SCAMP4: variants seen among roughly 807,000 people sequenced by gnomAD.
The protein encoded by SCAMP4 is secretory carrier-associated membrane protein 4.
A neutral mutation model predicts 32.1 loss-of-function variants in SCAMP4; 19 were observed. The ratio of observed to expected loss-of-function variants is 0.59; its 90% confidence interval spans 0.41 to 0.87. SCAMP4 has a LOEUF of 0.87. SCAMP4 is among the 40% of genes least tolerant of loss of function. The pLI is 0.00. For synonymous variants in SCAMP4, 152 were observed against 132.7 expected (o/e 1.15, Z -1.00); for missense variants, 302 against 309.0 (o/e 0.98, Z 0.17).
chr19:1,905,605 C>T (rs2013062334), intron 1 of SCAMP4, 166 bp downstream of exon 1: 2 of 166,182 alleles, frequency 1.2e-5, no homozygotes, highest in Non-Finnish European at 2.9e-5. Flanking sequence ...GGCCGGTGGG[C>T]GACGCGGGGA....
In SCAMP4 at chr19:1,923,206, G is replaced by T. The variant is rs1028940582; in HGVS notation, c.513+19G>T. On this transcript the variant is annotated intron_variant, in intron 6 of 6. Coordinates refer to ENST00000316097, the MANE Select transcript of SCAMP4 (RefSeq NM_079834.4). ...CATGAAGGTGAGTCCTCGGCTTTGT[G>T]ACGTCCAGCCCTTACCCCTTCTCCA... 1 of 1,540,236 alleles carries T rather than the reference G, an allele frequency of 6.5e-7. No homozygotes were observed. Among genetic ancestry groups the T allele is most frequent in the South Asian group, 1.2e-5 (1 of 82,618 alleles).
intron 5 of SCAMP4, chr19:1,922,307 T>G (rs1010806397): frequency 3.6e-5 from 35 of 964,292 alleles, no homozygotes; most frequent in Admixed American, 6.2e-5. Context: ...TCCCCCAGGC[T>G]GGAGAGCAAC....
chr19:1,915,230 C>T (rs971450461), intron 2 of SCAMP4, among the ~76,000 whole-genome samples: 2 of 152,200 alleles, frequency 1.3e-5, no homozygotes, highest in Admixed American at 6.5e-5. Context: ...CCTGTGTATC[C>T]GCTCGGACGC....
At chr19:1,907,879 G>C (rs1174208046) in intron 1 of SCAMP4, 3 of 152,624 alleles carry the variant, frequency 2.0e-5, no homozygotes, top group East Asian at 1.9e-4. Context: ...GGTAGGAGGT[G>C]CTCTGGCAGT....
rs1009173155 is a variant in SCAMP4, at chr19:1,919,100, G to C, written c.395+110G>C. 1.1e-5 allele frequency: 17 copies of C among 1,534,392 alleles called. No individual in the cohort carries two copies. In the South Asian group the frequency reaches 1.8e-4, roughly 16 times the overall value. ...GGAGCGTGCTGGTCCGGGATTGTAC[G>C]CGCTCTCCTAGGGAGGGGTCTGAGC... On this transcript the variant is annotated intron_variant, in intron 5 of 6. Coordinates refer to ENST00000316097, the MANE Select transcript of SCAMP4 (RefSeq NM_079834.4).
chr19:1,918,014 A>T (rs1468675690), intron 3 of SCAMP4, 113 bp from the exon 4 acceptor site: 4 of 1,421,022 alleles, frequency 2.8e-6, no homozygotes, highest in Non-Finnish European at 3.8e-6. Context: ...CATCCTCGAC[A>T]TGGGGTCACT....
chr19:1,912,711 CG>C, intron 1 of SCAMP4: 1 of 1,509,136 alleles, frequency 6.6e-7, no homozygotes, highest in East Asian at 2.7e-5. Flanking sequence ...GGCCTCGGAC[CG>C]CGTGCTGGCC....
chr19:1,921,251 C>T (rs1018915438), intron 5 of SCAMP4: 1 of 985,308 alleles, frequency 1.0e-6, no homozygotes, highest in East Asian at 1.1e-4. Context: ...AGGCGACAGC[C>T]CCGCTCTCCC....
intron 1 of SCAMP4, chr19:1,912,554 C>T (rs1270514475): frequency 1.3e-6 from 2 of 1,500,468 alleles, no homozygotes; most frequent in Admixed American, 2.1e-5. Context: ...TCCACGAGGA[C>T]AAGCAGGTGA....
At chr19:1,920,320 CCCA>C in intron 5 of SCAMP4, 1 of 983,860 alleles carries the variant, frequency 1.0e-6, no homozygotes, top group Non-Finnish European at 1.2e-6. Context: ...GGGTTCCTGC[CCCA>C]CAAGACTGCG....
At chr19:1,906,713 G>A (rs1466522053) in intron 1 of SCAMP4, 1 of 152,062 alleles carries the variant, frequency 6.6e-6, no homozygotes, top group Non-Finnish European at 1.5e-5. Context: ...CAGGCATGGT[G>A]GTGGACGCCT....
At position 1,912,635 on chromosome 19, in the gene SCAMP4, G is replaced by T. The variant is rs949727253; in HGVS notation, c.-41-2344G>T. On this transcript the variant is annotated intron_variant, in intron 1 of 6. Transcript: ENST00000316097. ...CCATGCAGAGCCACATGGAGCGGGC[G>T]GTGTGGGCGGCCCGGCGGGCAGCAG... The T allele has an allele frequency of 5.6e-6, 8 of 1,438,842 alleles. No individual in the cohort carries two copies. The African/African-American group carries it at 1.2e-4, about 22-fold the overall frequency. The allele number at this position is 1,438,842 out of a possible 1,614,324, so 89.1% of individuals were successfully genotyped here.
intron 1 of SCAMP4, among the ~76,000 whole-genome samples, chr19:1,914,092 G>A (rs538562782): frequency 1.5e-3 from 234 of 152,284 alleles, no homozygotes; most frequent in Admixed American, 2.6e-3. Flanking sequence ...GGTGGGAGCC[G>A]CAGAGGCGTG....
chr19:1,905,466 G>A (rs2013050595), intron 1 of SCAMP4, 27 bp downstream of exon 1: 1 of 455,532 alleles, frequency 2.2e-6, no homozygotes, highest in African/African-American at 2.1e-5. Context: ...GAGGTCTCGG[G>A]TTCTCCAGGC....
At chr19:1,920,876 G>C in intron 5 of SCAMP4, 1 of 985,476 alleles carries the variant, frequency 1.0e-6, no homozygotes, top group South Asian at 4.7e-5. Context: ...GTGACCCTCA[G>C]AGACCTCCCT....
chr19:1,906,218 G>A (rs2013104819), intron 1 of SCAMP4: 1 of 152,036 alleles, frequency 6.6e-6, no homozygotes, highest in Non-Finnish European at 1.5e-5. Flanking sequence ...AAATTAGCTG[G>A]GCGTGGTGTC....
Position 1,924,779 on chromosome 19 carries a change from C to A in SCAMP4, c.*495C>A, listed in dbSNP as rs1948103137. The A allele has an allele frequency of 5.2e-6, 1 of 191,066 alleles. No homozygotes were observed. The highest frequency in any genetic ancestry group is 1.1e-5 in the Non-Finnish European group (1 of 89,058). 11.8% of individuals were successfully genotyped at this position (191,066 alleles called of 1,614,324 possible). On this transcript the variant is annotated 3_prime_UTR_variant, in exon 7 of 7. Coordinates refer to ENST00000316097, the MANE Select transcript of SCAMP4 (RefSeq NM_079834.4). ...AGAGGCGTCGGGGCCAGCTTCCGGTCCCCTGCAGTGATAGAGGGCTTGGTG... is the reference window on the plus strand; with the variant it reads ...AGAGGCGTCGGGGCCAGCTTCCGGTACCCTGCAGTGATAGAGGGCTTGGTG...
chr19:1,911,215 AG>A (rs2013427309), intron 1 of SCAMP4, among the ~76,000 whole-genome samples: 1 of 151,180 alleles, frequency 6.6e-6, no homozygotes, highest in Non-Finnish European at 1.5e-5. Context: ...TCTGTCAGCC[AG>A]GCTGGGGTAC....
rs1169526352 is a variant in SCAMP4, at chr19:1,905,445, C to T, written c.-42+6C>T. The T allele has an allele frequency of 6.5e-6, 3 of 460,920 alleles. No individual in the cohort carries two copies. The highest frequency in any genetic ancestry group is 1.6e-5 in the South Asian group (1 of 63,010). The allele number at this position is 460,920 out of a possible 1,614,324, so 28.6% of individuals were successfully genotyped here. A position where few individuals can be genotyped will look rare whatever the true frequency, so the allele number is the denominator to read the frequency against. On this transcript the variant is annotated splice_donor_region_variant and intron_variant, in intron 1 of 6. Transcript: ENST00000316097. Reference sequence around the variant, plus strand: ...CTCGCGCCCGGATCCCTCAGGTAAGCGCGCGGCCCCGAGGTCTCGGGTTCT... The same window carrying T: ...CTCGCGCCCGGATCCCTCAGGTAAGTGCGCGGCCCCGAGGTCTCGGGTTCT...
Sources: gnomAD v4.1 joint callset for allele counts (sites outside exome capture counted in the v4.1 genomes callset) on GRCh38, gnomAD v4.1.1 for gene constraint, MANE v1.5 for transcripts, NCBI Gene and HGNC (gene_info 2026-07-23, HGNC 2026-07-21) for gene names.